SYN3: variants seen among roughly 807,000 people sequenced by gnomAD.
SYN3 encodes synapsin-3.
In SYN3, 35 loss-of-function variants were observed where a neutral mutation model predicts 65.8. The observed-to-expected ratio is 0.53, with a 90% CI of 0.41 to 0.70. The LOEUF is 0.70. SYN3 is among the 30% of genes least tolerant of loss of function. The pLI is 0.00. For synonymous variants in SYN3, 270 were observed against 292.9 expected (o/e 0.92, Z 0.80); for missense variants, 680 against 749.0 (o/e 0.91, Z 1.08).
At chr22:32,661,003 C>T (rs537748961) in intron 6 of SYN3, among the ~76,000 whole-genome samples, 2 of 152,336 alleles carry the variant, frequency 1.3e-5, no homozygotes, top group South Asian at 2.1e-4. Flanking sequence ...TTTAACCTAT[C>T]TCTGCTCAAA....
At chr22:32,727,535 G>A (rs2061212595) in intron 6 of SYN3, among the ~76,000 whole-genome samples, 1 of 152,188 alleles carries the variant, frequency 6.6e-6, no homozygotes, top group Non-Finnish European at 1.5e-5. Flanking sequence ...TGGGTCAAAT[G>A]GTATTTCTGC....
chr22:32,517,007 C>A lies in SYN3; in HGVS notation c.1610+1036G>T, dbSNP rs1206047400. ...CTTTCCAAAGATCAGTTACTTGGGA[C>A]CTCTCTTTAGGACAAACCAAGAGAT... On this transcript the variant is annotated intron_variant, in intron 13 of 13. Coordinates refer to ENST00000358763, the MANE Select transcript of SYN3 (RefSeq NM_003490.4). 2.0e-5 allele frequency among the ~76,000 whole-genome samples: 3 copies of A among 152,192 alleles called. No homozygotes were observed. In the East Asian group the frequency reaches 5.8e-4, roughly 29 times the overall value.
At chr22:32,925,840 A>C (rs963984928) in intron 4 of SYN3, among the ~76,000 whole-genome samples, 6 of 149,680 alleles carry the variant, frequency 4.0e-5, no homozygotes, top group African/African-American at 1.5e-4. Context: ...CTGTAGCTAA[A>C]TCTGAGGACC....
chr22:32,528,018 A>G lies in SYN3; in HGVS notation c.1231-13T>C. The G allele has an allele frequency of 6.5e-7, 1 of 1,535,748 alleles. No individual in the cohort carries two copies. The highest frequency in any genetic ancestry group is 8.8e-7 in the Non-Finnish European group (1 of 1,138,514). On this transcript the variant is annotated splice_polypyrimidine_tract_variant and intron_variant, in intron 11 of 13. Coordinates refer to ENST00000358763, the MANE Select transcript of SYN3 (RefSeq NM_003490.4). ...TAATCTGTGGAGCCTAGAGCAGAAG[A>G]GAAAAGAAGCCTGTTGGTATCACCA...
chr22:32,603,049 C>T (rs1026613743), intron 6 of SYN3, among the ~76,000 whole-genome samples: 3 of 151,070 alleles, frequency 2.0e-5, no homozygotes, highest in Non-Finnish European at 2.9e-5. Flanking sequence ...GTTGTTAGAG[C>T]TCAAGAAATG....
intron 2 of SYN3, among the ~76,000 whole-genome samples, chr22:32,985,055 A>G (rs1015529990): frequency 2.0e-5 from 3 of 152,118 alleles, no homozygotes; most frequent in Non-Finnish European, 4.4e-5. Flanking sequence ...CCTGGATAGG[A>G]CCCCAACTCC....
At chr22:32,569,590 A>ATATAT (rs1569048509) in intron 7 of SYN3, among the ~76,000 whole-genome samples, 4 of 92,524 alleles carry the variant, frequency 4.3e-5, no homozygotes, top group Non-Finnish European at 9.8e-5. Flanking sequence ...TATATATATA[A>ATATAT]AATCTATCTA....
chr22:32,692,098 GT>G (rs61625935), intron 6 of SYN3, among the ~76,000 whole-genome samples: 7 of 122,134 alleles, frequency 5.7e-5, no homozygotes, highest in Non-Finnish European at 1.0e-4. Flanking sequence ...TGTGGTCATT[GT>G]TTTTTTTTTG....
At chr22:33,015,433 G>A (rs796133463) in intron 1 of SYN3, 34 of 295,268 alleles carry the variant, frequency 1.2e-4, no homozygotes, top group Non-Finnish European at 1.4e-4. Context: ...ATGAAACAAC[G>A]CTGTTATTCA....
At chr22:32,748,233 C>A (rs1393623168) in intron 6 of SYN3, among the ~76,000 whole-genome samples, 1 of 152,164 alleles carries the variant, frequency 6.6e-6, no homozygotes, top group Non-Finnish European at 1.5e-5. Flanking sequence ...AATGCAGTGG[C>A]CAACAGATAG....
intron 4 of SYN3, among the ~76,000 whole-genome samples, chr22:32,911,860 C>T (rs530142916): frequency 6.6e-6 from 1 of 152,244 alleles, no homozygotes; most frequent in African/African-American, 2.4e-5. Flanking sequence ...CAGCAGAGGC[C>T]CAACACCCAC....
At chr22:32,820,709 C>G (rs1268679073) in intron 6 of SYN3, among the ~76,000 whole-genome samples, 3 of 152,098 alleles carry the variant, frequency 2.0e-5, no homozygotes, top group Non-Finnish European at 2.9e-5. Flanking sequence ...CACCTGGGAC[C>G]AAGGGGAGGT....
At chr22:32,927,025 G>A (rs7364139) in intron 4 of SYN3, among the ~76,000 whole-genome samples, 1 of 152,186 alleles carries the variant, frequency 6.6e-6, no homozygotes, top group Admixed American at 6.5e-5. Context: ...GGGGGACACA[G>A]GAACAGTCTC....
intron 6 of SYN3, among the ~76,000 whole-genome samples, chr22:32,702,425 C>A (rs1475503601): frequency 1.3e-5 from 2 of 152,146 alleles, no homozygotes; most frequent in Non-Finnish European, 2.9e-5. Flanking sequence ...TTGCAGTGAG[C>A]CGAGATCGCA....
chr22:32,941,316 C>T (rs1007143261), intron 3 of SYN3, among the ~76,000 whole-genome samples: 17 of 152,176 alleles, frequency 1.1e-4, no homozygotes, highest in Admixed American at 2.6e-4. Flanking sequence ...TGCTTTATAA[C>T]GAACTTTCAC....
chr22:32,558,821 T>G (rs1314309046), intron 7 of SYN3, among the ~76,000 whole-genome samples: 1 of 152,170 alleles, frequency 6.6e-6, no homozygotes, highest in East Asian at 1.9e-4. Flanking sequence ...GACCCTAACA[T>G]GGCCGGGGCT....
At chr22:32,594,510 T>A (rs1487078824) in intron 7 of SYN3, among the ~76,000 whole-genome samples, 1 of 151,054 alleles carries the variant, frequency 6.6e-6, no homozygotes, top group Non-Finnish European at 1.5e-5. Flanking sequence ...TTTTTTGGAC[T>A]GAATTTCACT....
chr22:32,886,106 T>A (rs2049281039), intron 4 of SYN3, among the ~76,000 whole-genome samples: 1 of 152,250 alleles, frequency 6.6e-6, no homozygotes, highest in African/African-American at 2.4e-5. Context: ...TGTAAAGAAC[T>A]GGCTCATAAG....
chr22:32,801,659 C>G lies in SYN3; in HGVS notation c.711+63256G>C, dbSNP rs2046582343. Reference sequence around the variant, plus strand: ...GGCCCCAACAGCCCGAGGCGGGGTCCCCGGGGGCCCAGCGCTATATCACTC... The same window carrying G: ...GGCCCCAACAGCCCGAGGCGGGGTCGCCGGGGGCCCAGCGCTATATCACTC... On this transcript the variant is annotated intron_variant, in intron 6 of 13. Transcript: ENST00000358763. The surrounding 1 kb of genome is among the most constrained non-coding windows in gnomAD (Gnocchi z 4.7). The G allele has an allele frequency of 6.1e-6, 1 of 163,308 alleles. No homozygotes were observed. Among genetic ancestry groups the G allele is most frequent in the Admixed American group, 6.4e-5 (1 of 15,516 alleles). 10.1% of individuals were successfully genotyped at this position (163,308 alleles called of 1,614,324 possible).
Sources: allele counts gnomAD v4.1 joint callset (sites outside exome capture counted in the v4.1 genomes callset), GRCh38; gene constraint gnomAD v4.1.1; non-coding constraint Gnocchi (gnomAD v3.1); transcripts MANE v1.5; gene names NCBI Gene and HGNC (gene_info 2026-07-23, HGNC 2026-07-21).